The following PHF13 variants were observed in gnomAD, a reference collection of about 807,000 sequenced individuals.
PHF13 encodes the protein PHD finger protein 13.
In PHF13, 1 loss-of-function variant was observed where a neutral mutation model predicts 25.8. That is an observed-to-expected ratio of 0.04 (90% CI 0.01 to 0.18). The LOEUF is 0.18. Among genes scored for constraint, PHF13 ranks in the 10% least tolerant of loss-of-function variants. PHF13 has a pLI of 1.00. For synonymous variants in PHF13, 195 were observed against 162.4 expected (o/e 1.20, Z -1.53); for missense variants, 306 against 403.2 (o/e 0.76, Z 2.06).
chr1:6,617,335 C>T (rs1462189390), intron 2 of PHF13, among the ~76,000 whole-genome samples: 2 of 152,180 alleles, frequency 1.3e-5, no homozygotes, highest in African/African-American at 4.8e-5. Flanking sequence ...ATTCACCTGC[C>T]TCGGCCTCCC....
chr1:6,614,835 C>A (rs1394283818), intron 1 of PHF13, among the ~76,000 whole-genome samples: 1 of 151,464 alleles, frequency 6.6e-6, no homozygotes, highest in Non-Finnish European at 1.5e-5. Flanking sequence ...CCGGCCTCCC[C>A]CCCGCGCGGT....
chr1:6,618,936 C>A (rs189246543), intron 2 of PHF13, among the ~76,000 whole-genome samples: 9 of 152,204 alleles, frequency 5.9e-5, no homozygotes, highest in Middle Eastern at 3.4e-3. Flanking sequence ...TGTGAGCCCC[C>A]GCACCCAGCC....
chr1:6,613,890 C>G lies in PHF13; in HGVS notation c.-177C>G. The G allele has an allele frequency of 1.9e-6, 1 of 526,190 alleles. No individual in the cohort carries two copies. The highest frequency in any genetic ancestry group is 3.3e-6 in the Non-Finnish European group (1 of 301,718). The allele number at this position is 526,190 out of a possible 1,614,324, so 32.6% of individuals were successfully genotyped here. A position where few individuals can be genotyped will look rare whatever the true frequency, so the allele number is the denominator to read the frequency against. On this transcript the variant is annotated 5_prime_UTR_variant, in exon 1 of 4. Transcript: ENST00000377648. The stretch of plus-strand genomic sequence containing the variant: ...CCGGTCGGCGGTGGAACCGCCAGTC[C>G]GGGGTCACAGAGCTTGAGAAGCGAC...
Position 6,621,772 on chromosome 1 carries a change from G to C in PHF13, c.*135G>C. On this transcript the variant is annotated 3_prime_UTR_variant, in exon 4 of 4. Coordinates refer to ENST00000377648, the MANE Select transcript of PHF13 (RefSeq NM_153812.3). This position sits in a 1 kb window ranked among gnomAD's most constrained non-coding sequence, Gnocchi z 4.8. ...TGCCATTTAGGTGCCTAAGCAAAAG[G>C]ACAGGCTGTCCAAGGTAGAAACTGT... is the stretch of plus-strand genomic sequence containing the variant. The C allele has an allele frequency of 1.2e-6, 1 of 861,352 alleles. No individual in the cohort carries two copies. Among genetic ancestry groups the C allele is most frequent in the South Asian group, 1.6e-5 (1 of 63,774 alleles). The allele number at this position is 861,352 out of a possible 1,614,324, so 53.4% of individuals were successfully genotyped here.
In PHF13 at chr1:6,623,412, G is replaced by A. The variant is rs896262074; in HGVS notation, c.*1775G>A. The A allele has an allele frequency of 6.6e-6, 1 of 152,642 alleles. No homozygotes were observed. The highest frequency in any genetic ancestry group is 6.5e-5 in the Admixed American group (1 of 15,282). The allele number at this position is 152,642 out of a possible 1,614,324, so 9.5% of individuals were successfully genotyped here. A position where few individuals can be genotyped will look rare whatever the true frequency, so the allele number is the denominator to read the frequency against. On this transcript the variant is annotated 3_prime_UTR_variant, in exon 4 of 4. Coordinates refer to ENST00000377648, the MANE Select transcript of PHF13 (RefSeq NM_153812.3). ...GAGGGCAAACAGCCAGGACGCATTG[G>A]AGAGGAATTTGCCAAAGATCTACCC...
chr1:6,621,135 C>T lies in PHF13; in HGVS notation c.677-276C>T, dbSNP rs1641332914. Among the ~76,000 whole-genome samples, 1 of 150,798 alleles carries T rather than the reference C, an allele frequency of 6.6e-6. No individual in the cohort carries two copies. On this transcript the variant is annotated intron_variant, in intron 3 of 3. Coordinates refer to ENST00000377648, the MANE Select transcript of PHF13 (RefSeq NM_153812.3). This position sits in a 1 kb window ranked among gnomAD's most constrained non-coding sequence, Gnocchi z 4.8. ...ATGGCTTGACTGCAGGAGTTTGAGG[C>T]TGCAGTGAGGTATGATTGCACCACT...
rs781212968 is a variant in PHF13 at position 6,620,261 on chromosome 1, C to T, written c.600C>T (p.Ile200=). ...KEIKTEGKRT[I]VRQGKQVVFR... ...TAAAAACTGAAGGCAAACGGACTATCGTCCGGCAGGGAAAGCAGGTGGTGT... is the reference window on the plus strand; with the variant it reads ...TAAAAACTGAAGGCAAACGGACTATTGTCCGGCAGGGAAAGCAGGTGGTGT... Residue 200 remains isoleucine (I), a synonymous_variant, in exon 3 of 4, where the codon ATC becomes ATT. Coordinates refer to ENST00000377648, the MANE Select transcript of PHF13 (RefSeq NM_153812.3). The T allele has an allele frequency of 4.6e-5, 75 of 1,613,800 alleles. No homozygotes were observed. Among genetic ancestry groups the T allele is most frequent in the Non-Finnish European group, 5.7e-5 (67 of 1,180,016 alleles).
rs1641391462 is a variant in PHF13 at position 6,623,998 on chromosome 1, T to G, written c.*2361T>G. 6.6e-6 allele frequency: 1 copy of G among 152,630 alleles called. No individual in the cohort carries two copies. Among genetic ancestry groups the G allele is most frequent in the East Asian group, 1.9e-4 (1 of 5,204 alleles). 9.5% of individuals were successfully genotyped at this position (152,630 alleles called of 1,614,324 possible). A position where few individuals can be genotyped will look rare whatever the true frequency, so the allele number is the denominator to read the frequency against. On this transcript the variant is annotated 3_prime_UTR_variant, in exon 4 of 4. Coordinates refer to ENST00000377648, the MANE Select transcript of PHF13 (RefSeq NM_153812.3). ...TATATTGCTACTTTGAGGTTCATGATTCAAGGTTCAGGCGATTGCGTTCTG... is the reference window on the plus strand; with the variant it reads ...TATATTGCTACTTTGAGGTTCATGAGTCAAGGTTCAGGCGATTGCGTTCTG...
intron 2 of PHF13, among the ~76,000 whole-genome samples, chr1:6,617,617 C>T (rs376781730): frequency 1.5e-4 from 23 of 151,910 alleles, no homozygotes; most frequent in Admixed American, 2.6e-4. Context: ...TTACTAGAGA[C>T]GGGGTTTCAC....
Position 6,621,365 on chromosome 1 carries a change from A to G in PHF13, c.677-46A>G. On this transcript the variant is annotated intron_variant, in intron 3 of 3. Coordinates refer to ENST00000377648, the MANE Select transcript of PHF13 (RefSeq NM_153812.3). This position sits in a 1 kb window ranked among gnomAD's most constrained non-coding sequence, Gnocchi z 4.8. ...ATGGAAGCCCAGCTGATGGCGAGGA[A>G]TGATGGGAATTTCTCTTCCCTCCTT... 6.3e-7 allele frequency: 1 copy of G among 1,589,118 alleles called. No homozygotes were observed. Among genetic ancestry groups the G allele is most frequent in the Non-Finnish European group, 8.6e-7 (1 of 1,158,680 alleles).
chr1:6,614,595 C>G (rs956752109), intron 1 of PHF13: 1 of 151,754 alleles, frequency 6.6e-6, no homozygotes. Flanking sequence ...CGGTGGCCCG[C>G]GCCCCGCCCC....
rs1403501580 is a variant in PHF13 at position 6,622,560 on chromosome 1, A to G, written c.*923A>G. On this transcript the variant is annotated 3_prime_UTR_variant, in exon 4 of 4. Transcript: ENST00000377648. ...AGGTTAGGCAATCACTGGGACCCGC[A>G]TGGTGTTCCTCCAAAGAATAGGGTA... is the stretch of plus-strand genomic sequence containing the variant. 2.6e-5 allele frequency: 4 copies of G among 152,312 alleles called. No individual in the cohort carries two copies. Among genetic ancestry groups the G allele is most frequent in the Admixed American group, 2.6e-4 (4 of 15,262 alleles). 9.4% of individuals were successfully genotyped at this position (152,312 alleles called of 1,614,324 possible).
chr1:6,623,354 A>G lies in PHF13; in HGVS notation c.*1717A>G, dbSNP rs1205858295. On this transcript the variant is annotated 3_prime_UTR_variant, in exon 4 of 4. Coordinates refer to ENST00000377648, the MANE Select transcript of PHF13 (RefSeq NM_153812.3). Reference sequence around the variant, plus strand: ...AAGATCCCCAAGGGGGAGGTTCGGTAGAGAAAAATAGTAAGCTGGTTTAGA... The same window carrying G: ...AAGATCCCCAAGGGGGAGGTTCGGTGGAGAAAAATAGTAAGCTGGTTTAGA... 6.6e-6 allele frequency: 1 copy of G among 152,652 alleles called. No homozygotes were observed. Among genetic ancestry groups the G allele is most frequent in the Non-Finnish European group, 1.5e-5 (1 of 68,046 alleles). 9.5% of individuals were successfully genotyped at this position (152,652 alleles called of 1,614,324 possible).
chr1:6,614,603 C>A (rs1267987422), intron 1 of PHF13: 1 of 152,542 alleles, frequency 6.6e-6, no homozygotes, highest in Non-Finnish European at 1.5e-5. Flanking sequence ...CGCGCCCCGC[C>A]CCCTGACTCC....
rs1641343417 is a variant in PHF13, at chr1:6,621,760, C to T, written c.*123C>T. 1 of 977,488 alleles carries T rather than the reference C, an allele frequency of 1.0e-6. No individual in the cohort carries two copies. The highest frequency in any genetic ancestry group is 1.5e-6 in the Non-Finnish European group (1 of 649,660). 60.6% of individuals were successfully genotyped at this position (977,488 alleles called of 1,614,324 possible). Reference sequence around the variant, plus strand: ...CGGGCAGATCCCTGCCATTTAGGTGCCTAAGCAAAAGGACAGGCTGTCCAA... The same window carrying T: ...CGGGCAGATCCCTGCCATTTAGGTGTCTAAGCAAAAGGACAGGCTGTCCAA... On this transcript the variant is annotated 3_prime_UTR_variant, in exon 4 of 4. Transcript: ENST00000377648. The surrounding 1 kb of genome is among the most constrained non-coding windows in gnomAD (Gnocchi z 4.8).
rs902760021 is a variant in PHF13, at chr1:6,613,791, C to A, written c.-276C>A. On this transcript the variant is annotated 5_prime_UTR_variant, in exon 1 of 4. Coordinates refer to ENST00000377648, the MANE Select transcript of PHF13 (RefSeq NM_153812.3). Reference sequence around the variant, plus strand: ...CAGGTCGGGGAGCCGGTCGGGTTCCCGCTCACCGCCGCCGCCGCCGCCCCC... The same window carrying A: ...CAGGTCGGGGAGCCGGTCGGGTTCCAGCTCACCGCCGCCGCCGCCGCCCCC... 3 of 359,910 alleles carry A rather than the reference C, an allele frequency of 8.3e-6. No homozygotes were observed. The South Asian group carries it at 1.1e-4, about 13-fold the overall frequency. 22.3% of individuals were successfully genotyped at this position (359,910 alleles called of 1,614,324 possible).
Position 6,621,275 on chromosome 1 carries a change from C to G in PHF13, c.677-136C>G, listed in dbSNP as rs549259021. 13 of 904,990 alleles carry G rather than the reference C, an allele frequency of 1.4e-5. No homozygotes were observed. The African/African-American group carries it at 2.2e-4, about 15-fold the overall frequency. The allele number at this position is 904,990 out of a possible 1,614,324, so 56.1% of individuals were successfully genotyped here. A position where few individuals can be genotyped will look rare whatever the true frequency, so the allele number is the denominator to read the frequency against. On this transcript the variant is annotated intron_variant, in intron 3 of 3. Coordinates refer to ENST00000377648, the MANE Select transcript of PHF13 (RefSeq NM_153812.3). The surrounding 1 kb of genome is among the most constrained non-coding windows in gnomAD (Gnocchi z 4.8). ...CATTTTGGAGCCCCTCGTGCCTTTT[C>G]AGAGAGAAGTGTCAGCTTCGAGTGG...
At position 6,620,131 on chromosome 1, in the gene PHF13, T is replaced by C; in HGVS notation, c.470T>C (p.Leu157Ser). 1 of 1,613,648 alleles carries C rather than the reference T, an allele frequency of 6.2e-7. No individual in the cohort carries two copies. Among genetic ancestry groups the C allele is most frequent in the Non-Finnish European group, 8.5e-7 (1 of 1,180,004 alleles). Residue 157 changes from leucine (L) to serine (S), a missense_variant, in exon 3 of 4, where the codon TTG (leucine) becomes TCG (serine). Coordinates refer to ENST00000377648, the MANE Select transcript of PHF13 (RefSeq NM_153812.3). ...PYVETPTSPTLQDIPQAPSDP... is the reference protein window; with the variant it reads ...PYVETPTSPTSQDIPQAPSDP... ...GTGGAGACCCCCACGAGTCCCACCTTGCAGGATATCCCCCAGGCTCCCAGC... is the reference window on the plus strand; with the variant it reads ...GTGGAGACCCCCACGAGTCCCACCTCGCAGGATATCCCCCAGGCTCCCAGC...
chr1:6,621,679 G>T lies in PHF13; in HGVS notation c.*42G>T. ...AGGCTGCGAGCGTGGAATCGGAAGC[G>T]ACCGCGGGCTTTTTTGCCCTTCTCT... On this transcript the variant is annotated 3_prime_UTR_variant, in exon 4 of 4. Transcript: ENST00000377648. This position sits in a 1 kb window ranked among gnomAD's most constrained non-coding sequence, Gnocchi z 4.8. The T allele has an allele frequency of 1.3e-6, 2 of 1,595,824 alleles. No homozygotes were observed. The highest frequency in any genetic ancestry group is 2.2e-5 in the South Asian group (2 of 90,528).
Sources: gnomAD v4.1 joint callset for allele counts (sites outside exome capture counted in the v4.1 genomes callset) on GRCh38, gnomAD v4.1.1 for gene constraint, Gnocchi (gnomAD v3.1) non-coding constraint, MANE v1.5 for transcripts, NCBI Gene and HGNC (gene_info 2026-07-23, HGNC 2026-07-21) for gene names.